The following IRAG1 variants were observed in gnomAD, a reference collection of about 807,000 sequenced individuals.
IRAG1 encodes IP3R-associated cGMP kinase substrate.
A neutral mutation model predicts 106.2 loss-of-function variants in IRAG1; 62 were observed. The ratio of observed to expected loss-of-function variants is 0.58; its 90% CI spans 0.48 to 0.72. The LOEUF (loss-of-function observed/expected upper bound fraction) is 0.72. IRAG1 is among the 30% of genes least tolerant of loss of function. IRAG1 has a pLI of 0.00. For synonymous variants in IRAG1, 462 were observed against 443.9 expected (o/e 1.04, Z -0.51); for missense variants, 1,064 against 1,140.7 (o/e 0.93, Z 0.97).
intron 2 of IRAG1, among the ~76,000 whole-genome samples, chr11:10,642,360 T>C (rs192025380): frequency 3.9e-4 from 60 of 152,360 alleles, no homozygotes; most frequent in Non-Finnish European, 6.6e-4. Flanking sequence ...GGGATAAATA[T>C]AGGCCAGTGT....
At chr11:10,618,007 A>C (rs1564910100) in intron 10 of IRAG1, among the ~76,000 whole-genome samples, 1 of 152,218 alleles carries the variant, frequency 6.6e-6, no homozygotes, top group Non-Finnish European at 1.5e-5. Context: ...CTCTTTCCAA[A>C]GTGTCCTAAA....
chr11:10,665,622 T>C lies in IRAG1; in HGVS notation c.68-13440A>G, dbSNP rs1859729451. Among the ~76,000 whole-genome samples, 1 of 152,150 alleles carries C rather than the reference T, an allele frequency of 6.6e-6. No individual in the cohort carries two copies. The highest frequency in any genetic ancestry group is 1.5e-5 in the Non-Finnish European group (1 of 68,040). On this transcript the variant is annotated intron_variant, in intron 1 of 20. Coordinates refer to ENST00000423302, the MANE Select transcript of IRAG1 (RefSeq NM_130385.4). The surrounding 1 kb of genome is among the most constrained non-coding windows in gnomAD (Gnocchi z 4.2). Reference sequence around the variant, plus strand: ...GCAGACCCCAAGACCGGGACAATGATTGGCTGTGTGAACAGGCTCGCAGCC... The same window carrying C: ...GCAGACCCCAAGACCGGGACAATGACTGGCTGTGTGAACAGGCTCGCAGCC...
At chr11:10,613,736 AT>A (rs1174400467) in intron 10 of IRAG1, among the ~76,000 whole-genome samples, 1 of 152,186 alleles carries the variant, frequency 6.6e-6, no homozygotes, top group Non-Finnish European at 1.5e-5. Context: ...GTGGGAAGAT[AT>A]TCGGCCATTC....
At chr11:10,580,383 T>C (rs1423358863) in intron 20 of IRAG1, 72 bp downstream of exon 20, 92 of 1,561,428 alleles carry the variant, frequency 5.9e-5, no homozygotes, top group Non-Finnish European at 7.8e-5. Context: ...CCAGGGATTT[T>C]GTGCATTTAA....
At chr11:10,678,912 G>A (rs1195446040) in intron 1 of IRAG1, among the ~76,000 whole-genome samples, 1 of 152,192 alleles carries the variant, frequency 6.6e-6, no homozygotes, top group South Asian at 2.1e-4. Flanking sequence ...ATCTGAGTGT[G>A]TCCCACAAGC....
intron 1 of IRAG1, among the ~76,000 whole-genome samples, chr11:10,678,921 G>A (rs1036792412): frequency 1.3e-5 from 2 of 152,168 alleles, no homozygotes; most frequent in Non-Finnish European, 2.9e-5. Flanking sequence ...TGTCCCACAA[G>A]CTCAACCTCA....
intron 1 of IRAG1, among the ~76,000 whole-genome samples, chr11:10,656,486 G>A (rs1858936501): frequency 1.3e-5 from 2 of 152,216 alleles, no homozygotes; most frequent in South Asian, 2.1e-4. Flanking sequence ...TGCAACTGAA[G>A]AGGCTAGAAG....
chr11:10,661,204 C>T lies in IRAG1; in HGVS notation c.68-9022G>A, dbSNP rs112230035. Among the ~76,000 whole-genome samples the T allele has an allele frequency of 1.8e-3, 276 of 152,324 alleles. 1 individual carries two copies. Among genetic ancestry groups the T allele is most frequent in the African/African-American group, 6.3e-3 (261 of 41,566 alleles). On this transcript the variant is annotated intron_variant, in intron 1 of 20. Transcript: ENST00000423302. ...AGTGGACCAAAAGCCAACCTCCAAA[C>T]ATGCCCTGCTTTTTTACACCCTTTG...
chr11:10,577,337 C>A (rs1448205549), intron 20 of IRAG1, among the ~76,000 whole-genome samples: 2 of 152,084 alleles, frequency 1.3e-5, no homozygotes, highest in African/African-American at 4.8e-5. Flanking sequence ...TCTTCCTCTC[C>A]ATTTTTGCCC....
intron 17 of IRAG1, 132 bp downstream of exon 17, chr11:10,593,360 G>A: frequency 1.5e-6 from 1 of 664,842 alleles, no homozygotes; most frequent in Non-Finnish European, 2.6e-6. Flanking sequence ...CTATCACTCA[G>A]ATTCTATTCT....
At chr11:10,649,843 G>A (rs1032335411) in intron 2 of IRAG1, among the ~76,000 whole-genome samples, 1 of 152,134 alleles carries the variant, frequency 6.6e-6, no homozygotes, top group Non-Finnish European at 1.5e-5. Context: ...CAGTCTCCCT[G>A]TGACCCTGAG....
At chr11:10,597,520 G>A (rs1265507769) in intron 15 of IRAG1, among the ~76,000 whole-genome samples, 9 of 151,990 alleles carry the variant, frequency 5.9e-5, no homozygotes, top group Non-Finnish European at 8.8e-5. Flanking sequence ...TTTTTGTGGA[G>A]ATAGGGTCTC....
intron 12 of IRAG1, among the ~76,000 whole-genome samples, chr11:10,605,115 G>A (rs1402819590): frequency 6.6e-6 from 1 of 152,156 alleles, no homozygotes; most frequent in Non-Finnish European, 1.5e-5. Context: ...TAAGCTTTCT[G>A]GAATAAATAA....
At chr11:10,600,123 T>C (rs1218079811) in intron 15 of IRAG1, among the ~76,000 whole-genome samples, 3 of 152,210 alleles carry the variant, frequency 2.0e-5, no homozygotes, top group Non-Finnish European at 4.4e-5. Context: ...TCTTCCTCTA[T>C]TGACTGGAGA....
chr11:10,613,021 C>G (rs185730158), intron 10 of IRAG1, among the ~76,000 whole-genome samples: 13 of 151,930 alleles, frequency 8.6e-5, no homozygotes, highest in Admixed American at 7.2e-4. Context: ...GTAATCATAA[C>G]GAATGCAAAG....
intron 2 of IRAG1, among the ~76,000 whole-genome samples, chr11:10,637,610 C>A (rs1857234218): frequency 6.6e-6 from 1 of 152,086 alleles, no homozygotes; most frequent in South Asian, 2.1e-4. Flanking sequence ...ATATGGTCTA[C>A]AAGTACCCTT....
In IRAG1 at chr11:10,647,262, G is replaced by A. The variant is rs1858032587; in HGVS notation, c.225+4763C>T. ...CTGCCTGGGCCCAGATCCTGGGCCTGCCACTTATGAGCTGTATGACCTTGG... is the reference window on the plus strand; with the variant it reads ...CTGCCTGGGCCCAGATCCTGGGCCTACCACTTATGAGCTGTATGACCTTGG... On this transcript the variant is annotated intron_variant, in intron 2 of 20. Transcript: ENST00000423302. This position sits in a 1 kb window ranked among gnomAD's most constrained non-coding sequence, Gnocchi z 4.3. 6.6e-6 allele frequency among the ~76,000 whole-genome samples: 1 copy of A among 152,198 alleles called. No homozygotes were observed. Among genetic ancestry groups the A allele is most frequent in the South Asian group, 2.1e-4 (1 of 4,832 alleles).
Position 10,575,275 on chromosome 11 carries a change from G to A in IRAG1, c.*1057C>T, listed in dbSNP as rs1290648014. 1.3e-5 allele frequency: 2 copies of A among 152,214 alleles called. No individual in the cohort carries two copies. The highest frequency in any genetic ancestry group is 2.9e-5 in the Non-Finnish European group (2 of 68,044). The allele number at this position is 152,214 out of a possible 1,614,324, so 9.4% of individuals were successfully genotyped here. A position where few individuals can be genotyped will look rare whatever the true frequency, so the allele number is the denominator to read the frequency against. On this transcript the variant is annotated 3_prime_UTR_variant, in exon 21 of 21. Transcript: ENST00000423302. ...AACCCCATTTGAACTGAAGCACTGA[G>A]GTGCAAGTTTACTCTTGCATGTGGT... is the stretch of plus-strand genomic sequence containing the variant.
chr11:10,654,388 C>T (rs1441135526), intron 1 of IRAG1, among the ~76,000 whole-genome samples: 2 of 152,238 alleles, frequency 1.3e-5, no homozygotes, highest in African/African-American at 4.8e-5. Flanking sequence ...CAGGATTGGT[C>T]AAGGTGACCA....
Sources: gnomAD v4.1 joint callset for allele counts (sites outside exome capture counted in the v4.1 genomes callset) on GRCh38, gnomAD v4.1.1 for gene constraint, Gnocchi (gnomAD v3.1) non-coding constraint, MANE v1.5 for transcripts, NCBI Gene and HGNC (gene_info 2026-07-23, HGNC 2026-07-21) for gene names.